The following CUL4A variants were observed in gnomAD, a reference collection of about 807,000 sequenced individuals.
CUL4A encodes cullin 4A, also known as cullin-4A.
CUL4A carries 16 observed loss-of-function variants against 95.5 expected under a neutral mutation model. The ratio of observed to expected loss-of-function variants is 0.17; its 90% CI spans 0.11 to 0.25. The LOEUF (loss-of-function observed/expected upper bound fraction) is 0.25. Among genes scored for constraint, CUL4A ranks in the 10% least tolerant of loss-of-function variants. The probability of loss-of-function intolerance (pLI) is 1.00; values close to 1 mark genes in which losing one functional copy is unlikely to be tolerated. For synonymous variants in CUL4A, 380 were observed against 353.1 expected (o/e 1.08, Z -0.85); for missense variants, 610 against 937.0 (o/e 0.65, Z 4.56).
chr13:113,261,054 A>G (rs187425105), intron 19 of CUL4A, among the ~76,000 whole-genome samples: 42 of 152,348 alleles, frequency 2.8e-4, no homozygotes, highest in African/African-American at 9.1e-4. Context: ...CTTTTCTCAT[A>G]GTAGTAGCGG....
At position 113,266,855 on chromosome 13, in the gene CUL4A, A is replaced by G. The variant is rs534889120; in HGVS notation, c.*3273A>G. 2 of 152,370 alleles carry G rather than the reference A, an allele frequency of 1.3e-5. No homozygotes were observed. The highest frequency in any genetic ancestry group is 4.1e-4 in the South Asian group (2 of 4,826). 9.4% of individuals were successfully genotyped at this position (152,370 alleles called of 1,614,324 possible). A position where few individuals can be genotyped will look rare whatever the true frequency, so the allele number is the denominator to read the frequency against. ...ACATATATATGAAACCATAATCATA[A>G]GATACTTTTTTTGTAAATTGACTAT... On this transcript the variant is annotated 3_prime_UTR_variant, in exon 20 of 20. Transcript: ENST00000375440.
intron 18 of CUL4A, among the ~76,000 whole-genome samples, chr13:113,256,823 C>A (rs1019137312): frequency 1.4e-5 from 2 of 143,758 alleles, no homozygotes; most frequent in African/African-American, 5.2e-5. Flanking sequence ...TTTCTAATTG[C>A]TTTTCAAGTC....
chr13:113,239,529 A>G lies in CUL4A; in HGVS notation c.1013A>G (p.Gln338Arg), dbSNP rs775026005. The change falls in exon 10 of 20, where the codon CAG becomes CGG. Residue 338 changes from glutamine (Q) to arginine (R), a missense_variant. Coordinates refer to ENST00000375440, the MANE Select transcript of CUL4A (RefSeq NM_001008895.4). ...RVRGGQQALL[Q>R]HWSEYIKTFG... ...AGGGGCGGGCAGCAGGCGCTGCTGCAGCACTGGAGCGAGTACATCAAGGTA... is the reference window on the plus strand; with the variant it reads ...AGGGGCGGGCAGCAGGCGCTGCTGCGGCACTGGAGCGAGTACATCAAGGTA... The G allele has an allele frequency of 6.2e-7, 1 of 1,612,984 alleles. No individual in the cohort carries two copies. The highest frequency in any genetic ancestry group is 2.2e-5 in the East Asian group (1 of 44,856).
At chr13:113,252,352 A>C (rs921245092) in intron 15 of CUL4A, among the ~76,000 whole-genome samples, 1 of 152,152 alleles carries the variant, frequency 6.6e-6, no homozygotes, top group Admixed American at 6.5e-5. Flanking sequence ...CCTGGGCAGC[A>C]TGAGAAGACC....
intron 1 of CUL4A, 86 bp from the exon 2 acceptor site, chr13:113,209,887 C>A: frequency 8.6e-7 from 1 of 1,168,916 alleles, no homozygotes; most frequent in Non-Finnish European, 1.1e-6. Flanking sequence ...GGAGCGGGGG[C>A]GCCGGGGCGC....
chr13:113,208,972 T>G, upstream of CUL4A: 1 of 1,080,010 alleles, frequency 9.3e-7, no homozygotes, highest in Non-Finnish European at 1.1e-6. Context: ...CTGCCCCTTG[T>G]GAAAACCAGG....
chr13:113,259,516 C>CT (rs1311973481), intron 18 of CUL4A, among the ~76,000 whole-genome samples: 1 of 152,124 alleles, frequency 6.6e-6, no homozygotes, highest in Non-Finnish European at 1.5e-5. Flanking sequence ...TGTTCAGATG[C>CT]TTTTTTATTC....
At chr13:113,249,181 T>G (rs966345078) in intron 15 of CUL4A, among the ~76,000 whole-genome samples, 3 of 152,236 alleles carry the variant, frequency 2.0e-5, no homozygotes, top group Non-Finnish European at 4.4e-5. Context: ...CTTCTTTCAC[T>G]TAGCGTGCTG....
intron 19 of CUL4A, among the ~76,000 whole-genome samples, chr13:113,262,389 C>T (rs1243870464): frequency 6.6e-6 from 1 of 152,172 alleles, no homozygotes; most frequent in Non-Finnish European, 1.5e-5. Context: ...CACTGCCTCA[C>T]GCCAGCGATC....
At chr13:113,211,808 A>G (rs992941472) in intron 2 of CUL4A, among the ~76,000 whole-genome samples, 2 of 152,244 alleles carry the variant, frequency 1.3e-5, no homozygotes, top group Non-Finnish European at 1.5e-5. Context: ...TCTCAGGGTC[A>G]TATGGAAAAT....
Position 113,233,845 on chromosome 13 carries a change from T to G in CUL4A, c.676-52T>G, listed in dbSNP as rs533516851. ...AGAAACTGGGATGTGTTAGCACTTG[T>G]GAAGATAGTTTCCTTTACTGAAATT... is the stretch of plus-strand genomic sequence containing the variant. On this transcript the variant is annotated intron_variant, in intron 6 of 19. Transcript: ENST00000375440. 21 of 1,026,506 alleles carry G rather than the reference T, an allele frequency of 2.0e-5. No individual in the cohort carries two copies. The African/African-American group carries it at 2.8e-4, about 14-fold the overall frequency. 63.6% of individuals were successfully genotyped at this position (1,026,506 alleles called of 1,614,324 possible). A position where few individuals can be genotyped will look rare whatever the true frequency, so the allele number is the denominator to read the frequency against.
At chr13:113,208,242 C>T, upstream of CUL4A, 6 of 1,454,386 alleles carry the variant, frequency 4.1e-6, no homozygotes, top group African/African-American at 1.6e-5. Context: ...CACAGCACCG[C>T]CCACAGCGGG....
intron 5 of CUL4A, among the ~76,000 whole-genome samples, chr13:113,230,992 C>T (rs1595379446): frequency 1.3e-5 from 2 of 152,208 alleles, no homozygotes; most frequent in African/African-American, 4.8e-5. Flanking sequence ...AGGCTGGTCT[C>T]GAACCCCTGG....
chr13:113,214,321 G>A (rs557731280), intron 2 of CUL4A, among the ~76,000 whole-genome samples: 5 of 152,210 alleles, frequency 3.3e-5, no homozygotes, highest in South Asian at 2.1e-4. Context: ...CCTGAATTTC[G>A]GTCTGTAATA....
In CUL4A at chr13:113,267,046, C is replaced by T. The variant is rs576602202; in HGVS notation, c.*3464C>T. On this transcript the variant is annotated 3_prime_UTR_variant, in exon 20 of 20. Coordinates refer to ENST00000375440, the MANE Select transcript of CUL4A (RefSeq NM_001008895.4). ...GAAATGTACAATACTCAATTTTTGA[C>T]TGTATTCACCATGCTGTACAATAGA... is the stretch of plus-strand genomic sequence containing the variant. 3.9e-5 allele frequency: 6 copies of T among 152,238 alleles called. No homozygotes were observed. Among genetic ancestry groups the T allele is most frequent in the African/African-American group, 1.4e-4 (6 of 41,548 alleles). 9.4% of individuals were successfully genotyped at this position (152,238 alleles called of 1,614,324 possible). A position where few individuals can be genotyped will look rare whatever the true frequency, so the allele number is the denominator to read the frequency against.
At chr13:113,208,616 T>A (rs1303518515), upstream of CUL4A, 5 of 1,607,414 alleles carry the variant, frequency 3.1e-6, no homozygotes, top group Non-Finnish European at 4.2e-6. Flanking sequence ...AGGTACTGGT[T>A]AATGGTAATG....
rs550736278 is a variant in CUL4A, at chr13:113,221,160, A to G, written c.368+2112A>G. The stretch of plus-strand genomic sequence containing the variant: ...GCTCTGGAAACCCCGAGCAGCGGGC[A>G]CAACTAGAACTCCAGAGACCTGGTG... On this transcript the variant is annotated intron_variant, in intron 3 of 19. Transcript: ENST00000375440. Among the ~76,000 whole-genome samples, 32 of 152,320 alleles carry G rather than the reference A, an allele frequency of 2.1e-4. 1 individual carries two copies. In the South Asian group the frequency reaches 6.6e-3, roughly 32 times the overall value.
At chr13:113,216,991 GT>G (rs1204118399) in intron 2 of CUL4A, among the ~76,000 whole-genome samples, 1 of 152,148 alleles carries the variant, frequency 6.6e-6, no homozygotes, top group Admixed American at 6.5e-5. Flanking sequence ...AATAGTAAAT[GT>G]GCACCAAATA....
intron 15 of CUL4A, among the ~76,000 whole-genome samples, chr13:113,250,573 C>T (rs2041968705): frequency 6.6e-6 from 1 of 152,018 alleles, no homozygotes; most frequent in South Asian, 2.1e-4. Context: ...CACATAGTAC[C>T]CAAACGATAG....
Sources: gnomAD v4.1 joint callset for allele counts (sites outside exome capture counted in the v4.1 genomes callset) on GRCh38, gnomAD v4.1.1 for gene constraint, MANE v1.5 for transcripts, NCBI Gene and HGNC (gene_info 2026-07-23, HGNC 2026-07-21) for gene names.